Variants in SRSF7 observed in about 807,000 individuals in gnomAD.
SRSF7 encodes serine/arginine-rich splicing factor 7.
Under a neutral mutation model 42.2 loss-of-function variants are expected in SRSF7, and 15 were observed. The ratio of observed to expected loss-of-function variants is 0.36; its 90% CI spans 0.24 to 0.55. The LOEUF is 0.55. SRSF7 is among the 20% of genes least tolerant of loss of function. The pLI is 0.88. For synonymous variants in SRSF7, 138 were observed against 107.9 expected (o/e 1.28, Z -1.73); for missense variants, 181 against 305.9 (o/e 0.59, Z 3.04).
chr2:38,751,156 C>A, intron 1 of SRSF7, 73 bp downstream of exon 1: 1 of 1,597,732 alleles, frequency 6.3e-7, no homozygotes, highest in Non-Finnish European at 8.6e-7. Flanking sequence ...TCCCAACCTC[C>A]GCGACAACCC....
In SRSF7 at chr2:38,745,204, T is replaced by TA; in HGVS notation, c.663-18dup. 1 of 1,613,814 alleles carries TA rather than the reference T, an allele frequency of 6.2e-7. No individual in the cohort carries two copies. The highest frequency in any genetic ancestry group is 8.5e-7 in the Non-Finnish European group (1 of 1,179,758). ...GGGGAACGACTAAAAAGAAAAACATTAGGTTTGGATCCAATTAGTGTCAAT... is the reference window on the plus strand; with the variant it reads ...GGGGAACGACTAAAAAGAAAAACATTAAGGTTTGGATCCAATTAGTGTCAAT... On this transcript the variant is annotated splice_polypyrimidine_tract_variant and intron_variant, in intron 7 of 7. Coordinates refer to ENST00000313117, the MANE Select transcript of SRSF7 (RefSeq NM_001031684.3).
chr2:38,750,782 G>A (rs547393984), intron 1 of SRSF7: 1 of 178,768 alleles, frequency 5.6e-6, no homozygotes, highest in Non-Finnish European at 1.2e-5. Flanking sequence ...GCAGCTCACA[G>A]CTGCCAATTT....
intron 7 of SRSF7, among the ~76,000 whole-genome samples, chr2:38,745,482 C>T (rs773891277): frequency 1.6e-4 from 25 of 151,948 alleles, no homozygotes; most frequent in Admixed American, 9.2e-4. Context: ...GGTGAAACTC[C>T]GTCTCTACTA....
chr2:38,746,050 C>T, intron 7 of SRSF7, 94 bp downstream of exon 7: 2 of 1,322,942 alleles, frequency 1.5e-6, no homozygotes, highest in Non-Finnish European at 2.2e-6. Context: ...CACCAATTCT[C>T]CAAAGAGCTC....
At position 38,745,077 on chromosome 2, in the gene SRSF7, T is replaced by C; in HGVS notation, c.*56A>G. The C allele has an allele frequency of 6.4e-7, 1 of 1,560,602 alleles. No individual in the cohort carries two copies. ...GGTTACACTTTACAGACATCACAAA[T>C]CCCTTATAATAATGTAAACAAAATA... On this transcript the variant is annotated 3_prime_UTR_variant, in exon 8 of 8. Transcript: ENST00000313117.
chr2:38,746,356 C>CA (rs1162001373), intron 6 of SRSF7, among the ~76,000 whole-genome samples, 177 bp from the exon 7 acceptor site: 1 of 152,092 alleles, frequency 6.6e-6, no homozygotes, highest in African/African-American at 2.4e-5. Context: ...AACTGTTTTT[C>CA]AAAAAATGAC....
chr2:38,748,089 C>G lies in SRSF7; in HGVS notation c.530G>C (p.Arg177Thr). 2 of 1,613,940 alleles carry G rather than the reference C, an allele frequency of 1.2e-6. No homozygotes were observed. Among genetic ancestry groups the G allele is most frequent in the Non-Finnish European group, 1.7e-6 (2 of 1,179,902 alleles). The change falls in exon 5 of 8, where the codon AGA becomes ACA. Residue 177 changes from arginine (R) to threonine (T), a missense_variant. By Grantham distance (71) the Arg-to-Thr change is moderately conservative (BLOSUM62 -1). This residue lies in a region of SRSF7 where 136 missense variants were observed against 147.8 expected (regional missense o/e 0.92). Transcript: ENST00000313117. Reference protein sequence around the residue: ...SLRRSRSASLRRSRSGSIKGS... With the variant: ...SLRRSRSASLTRSRSGSIKGS... ...TTTTATAGAACCAGACCTAGATCTT[C>G]TGAGTGAAGCTGATCTTGATCTACG... is the stretch of plus-strand genomic sequence containing the variant.
chr2:38,751,085 G>T (rs759705993), intron 1 of SRSF7, 144 bp downstream of exon 1: 3 of 1,073,480 alleles, frequency 2.8e-6, no homozygotes, highest in African/African-American at 3.1e-5. Context: ...CCCCGCCTCC[G>T]CTGCCTCCGG....
At chr2:38,746,504 T>TA (rs2148479915) in intron 6 of SRSF7, among the ~76,000 whole-genome samples, 190 bp downstream of exon 6, 1 of 152,340 alleles carries the variant, frequency 6.6e-6, no homozygotes, top group South Asian at 2.1e-4. Context: ...TTTCTCACTA[T>TA]AGTTTTACAT....
intron 7 of SRSF7, 102 bp from the exon 8 acceptor site, chr2:38,745,289 AT>A (rs1306712357): frequency 3.3e-6 from 4 of 1,194,526 alleles, no homozygotes; most frequent in Non-Finnish European, 4.9e-6. Context: ...TAAGGTACTA[AT>A]TTCCTATAGC....
In SRSF7 at chr2:38,744,919, G is replaced by A; in HGVS notation, c.*214C>T. On this transcript the variant is annotated 3_prime_UTR_variant, in exon 8 of 8. Transcript: ENST00000313117. Reference sequence around the variant, plus strand: ...CTAGTTAGAAACATTTTATTTAAATGTGCCAAATAAAAACCCACATTTTCA... The same window carrying A: ...CTAGTTAGAAACATTTTATTTAAATATGCCAAATAAAAACCCACATTTTCA... 1.5e-5 allele frequency: 7 copies of A among 459,944 alleles called. No homozygotes were observed. The highest frequency in any genetic ancestry group is 2.7e-5 in the Non-Finnish European group (7 of 261,268). 28.5% of individuals were successfully genotyped at this position (459,944 alleles called of 1,614,324 possible). A position where few individuals can be genotyped will look rare whatever the true frequency, so the allele number is the denominator to read the frequency against.
chr2:38,745,011 T>G lies in SRSF7; in HGVS notation c.*122A>C. 1 of 955,612 alleles carries G rather than the reference T, an allele frequency of 1.0e-6. No homozygotes were observed. Among genetic ancestry groups the G allele is most frequent in the East Asian group, 2.5e-5 (1 of 40,768 alleles). The allele number at this position is 955,612 out of a possible 1,614,324, so 59.2% of individuals were successfully genotyped here. On this transcript the variant is annotated 3_prime_UTR_variant, in exon 8 of 8. Transcript: ENST00000313117. ...TTACTGCTGTGAATTTACATAGTAA[T>G]CCAGATCCATTTTGATTAGATGGTT...
chr2:38,747,933 C>G (rs968971709), intron 5 of SRSF7, 114 bp downstream of exon 5: 9 of 716,090 alleles, frequency 1.3e-5, no homozygotes, highest in African/African-American at 7.2e-5. Flanking sequence ...AAATTCCAAA[C>G]TTTTACATCT....
intron 5 of SRSF7, among the ~76,000 whole-genome samples, chr2:38,747,821 G>A (rs561566452): frequency 6.6e-6 from 1 of 152,162 alleles, no homozygotes; most frequent in Non-Finnish European, 1.5e-5. Flanking sequence ...TGTATTGCTT[G>A]GGACCCTTGT....
At position 38,744,963 on chromosome 2, in the gene SRSF7, C is replaced by G; in HGVS notation, c.*170G>C. On this transcript the variant is annotated 3_prime_UTR_variant, in exon 8 of 8. Transcript: ENST00000313117. ...ATTTTCAGACCATATGATGTTAATA[C>G]ATTCAACAAAATTTATATTATCTTA... The G allele has an allele frequency of 2.3e-3, 1,396 of 597,282 alleles. 2 individuals carry two copies. The highest frequency in any genetic ancestry group is 3.4e-3 in the Non-Finnish European group (1,199 of 357,730). 37.0% of individuals were successfully genotyped at this position (597,282 alleles called of 1,614,324 possible).
In SRSF7 at chr2:38,748,113, C is replaced by T; in HGVS notation, c.506G>A (p.Arg169His). ...TCTGAGTGAAGCTGATCTTGATCTA[C>T]GAAGAGAGATAGATCTTGATCGTCG... ...SPRRSRSISLRRSRSASLRRS... is the reference protein window; with the variant it reads ...SPRRSRSISLHRSRSASLRRS... Residue 169 changes from arginine (R) to histidine (H), a missense_variant, in exon 5 of 8, where the codon CGT (arginine) becomes CAT (histidine). Around this residue, in one of 2 missense-constraint regions of SRSF7, gnomAD observed 136 missense variants for 147.8 expected, o/e 0.92. Transcript: ENST00000313117. 337 of 1,613,590 alleles carry T rather than the reference C, an allele frequency of 2.1e-4. No homozygotes were observed. Among genetic ancestry groups the T allele is most frequent in the Non-Finnish European group, 2.8e-4 (327 of 1,179,904 alleles).
chr2:38,744,410 T>A lies in SRSF7; in HGVS notation c.*723A>T. 20 of 152,588 alleles carry A rather than the reference T, an allele frequency of 1.3e-4. No homozygotes were observed. Among genetic ancestry groups the A allele is most frequent in the Admixed American group, 7.9e-4 (12 of 15,286 alleles). 9.5% of individuals were successfully genotyped at this position (152,588 alleles called of 1,614,324 possible). On this transcript the variant is annotated 3_prime_UTR_variant, in exon 8 of 8. Transcript: ENST00000313117. ...AGCAAAGAAACAAGACCATTGAGAG[T>A]AGAACTCCCCATATCTTGGGGAGTC...
At chr2:38,745,234 ACT>A (rs769494245) in intron 7 of SRSF7, 47 bp from the exon 8 acceptor site, 183 of 1,593,876 alleles carry the variant, frequency 1.1e-4, no homozygotes, top group Non-Finnish European at 1.4e-4. Flanking sequence ...GTCAATTGAA[ACT>A]CTCATGTACA....
chr2:38,751,360 A>T lies in SRSF7; in HGVS notation c.-104T>A. 6.6e-7 allele frequency: 1 copy of T among 1,521,452 alleles called. No homozygotes were observed. The highest frequency in any genetic ancestry group is 1.4e-5 in the African/African-American group (1 of 73,312). 94.2% of individuals were successfully genotyped at this position (1,521,452 alleles called of 1,614,324 possible). A position where few individuals can be genotyped will look rare whatever the true frequency, so the allele number is the denominator to read the frequency against. On this transcript the variant is annotated 5_prime_UTR_variant, in exon 1 of 8. Transcript: ENST00000313117. ...ACCCGCCAAGAGTCCCGGCGGCACT[A>T]CGAGGAAGAGCCCGGGTTCGCGTTT... is the stretch of plus-strand genomic sequence containing the variant.
Sources: allele counts gnomAD v4.1 joint callset (sites outside exome capture counted in the v4.1 genomes callset), GRCh38; gene constraint gnomAD v4.1.1; regional missense constraint gnomAD v4.1.1; transcripts MANE v1.5; gene names NCBI Gene and HGNC (gene_info 2026-07-23, HGNC 2026-07-21).